The following PHACTR2 variants were observed in gnomAD, a reference collection of about 807,000 sequenced individuals.
The protein encoded by PHACTR2 is chromosome 6 open reading frame 56.
A neutral mutation model predicts 76.0 loss-of-function variants in PHACTR2; 30 were observed. That is an observed-to-expected ratio of 0.39 (90% CI 0.30 to 0.54). PHACTR2 has a LOEUF of 0.54. Among genes scored for constraint, PHACTR2 ranks in the 20% least tolerant of loss-of-function variants. The pLI is 0.61. For synonymous variants in PHACTR2, 292 were observed against 292.5 expected, an observed-to-expected ratio of 1.00 and a Z score of 0.02; for missense variants, 696 against 781.1, an observed-to-expected ratio of 0.89 and a Z score of 1.30.
intron 1 of PHACTR2, among the ~76,000 whole-genome samples, chr6:143,551,146 C>T (rs1775089029): frequency 6.6e-6 from 1 of 151,910 alleles, no homozygotes; most frequent in Admixed American, 6.6e-5. Context: ...CATGAAAAGA[C>T]AAGAGTAGAA....
At chr6:143,725,943 A>G (rs752828215) in intron 2 of PHACTR2, among the ~76,000 whole-genome samples, 1 of 152,340 alleles carries the variant, frequency 6.6e-6, no homozygotes, top group South Asian at 2.1e-4. Flanking sequence ...GCATGTATTC[A>G]TCATTCCATT....
At chr6:143,685,504 G>A (rs923807553) in intron 1 of PHACTR2, among the ~76,000 whole-genome samples, 1 of 151,994 alleles carries the variant, frequency 6.6e-6, no homozygotes, top group African/African-American at 2.4e-5. Flanking sequence ...ACTACTCTAA[G>A]TGCTTTACTT....
rs963551150 is a variant in PHACTR2 at position 143,678,531 on chromosome 6, A to T, written c.46+322A>T. Reference sequence around the variant, plus strand: ...GTATTACAGTGTTTTTAAAAACGCGAAACTTAGAGAGCAAGAGAAACATGC... The same window carrying T: ...GTATTACAGTGTTTTTAAAAACGCGTAACTTAGAGAGCAAGAGAAACATGC... On this transcript the variant is annotated intron_variant, in intron 1 of 12. Transcript: ENST00000440869. The surrounding 1 kb of genome is among the most constrained non-coding windows in gnomAD (Gnocchi z 6.2). 1.3e-5 allele frequency among the ~76,000 whole-genome samples: 2 copies of T among 152,220 alleles called. No homozygotes were observed. The highest frequency in any genetic ancestry group is 4.8e-5 in the African/African-American group (2 of 41,456).
chr6:143,795,216 C>T lies in PHACTR2; in HGVS notation c.1845+6306C>T, dbSNP rs898744711. ...GTCACTTGAGGCCAGGAGTTAAAGA[C>T]CAGCCTGAGCAACATAGCAAGACCC... is the stretch of plus-strand genomic sequence containing the variant. On this transcript the variant is annotated intron_variant, in intron 11 of 12. Coordinates refer to ENST00000440869, the MANE Select transcript of PHACTR2 (RefSeq NM_001100164.2). The surrounding 1 kb of genome is among the most constrained non-coding windows in gnomAD (Gnocchi z 4.8). Among the ~76,000 whole-genome samples, 1 of 152,094 alleles carries T rather than the reference C, an allele frequency of 6.6e-6. No individual in the cohort carries two copies. Among genetic ancestry groups the T allele is most frequent in the African/African-American group, 2.4e-5 (1 of 41,406 alleles).
intron 1 of PHACTR2, among the ~76,000 whole-genome samples, chr6:143,707,938 A>G (rs865802078): frequency 6.6e-6 from 1 of 152,136 alleles, no homozygotes; most frequent in Non-Finnish European, 1.5e-5. Flanking sequence ...GGTGCTACAC[A>G]CTTTTAAACA....
In PHACTR2 at chr6:143,686,218, G is replaced by T. The variant is rs1443501776; in HGVS notation, c.46+8009G>T. Reference sequence around the variant, plus strand: ...TATATTGTAAAAGAAATAATTAATTGCTCATAAAAACAATTTTTACAAAAG... The same window carrying T: ...TATATTGTAAAAGAAATAATTAATTTCTCATAAAAACAATTTTTACAAAAG... On this transcript the variant is annotated intron_variant, in intron 1 of 12. Transcript: ENST00000440869. Among the ~76,000 whole-genome samples the T allele has an allele frequency of 4.0e-5, 6 of 150,888 alleles. No individual in the cohort carries two copies. In the East Asian group the frequency reaches 1.2e-3, roughly 29 times the overall value.
chr6:143,613,706 C>T (rs578215275), intron 1 of PHACTR2, among the ~76,000 whole-genome samples: 4 of 152,184 alleles, frequency 2.6e-5, no homozygotes, highest in African/African-American at 9.6e-5. Context: ...TGGCTTCTGT[C>T]GAGAACAACT....
At chr6:143,748,716 A>G (rs923191592) in intron 2 of PHACTR2, among the ~76,000 whole-genome samples, 3 of 152,322 alleles carry the variant, frequency 2.0e-5, no homozygotes, top group South Asian at 2.1e-4. Flanking sequence ...TCTAGTTGCT[A>G]TGTAATAATA....
At chr6:143,572,052 C>G (rs1413989008) in intron 1 of PHACTR2, among the ~76,000 whole-genome samples, 3 of 152,230 alleles carry the variant, frequency 2.0e-5, no homozygotes, top group African/African-American at 7.2e-5. Context: ...AGCCACACAA[C>G]TAGGATTTTC....
In PHACTR2 at chr6:143,663,925, A is replaced by G. The variant is rs1776988117; in HGVS notation, c.14-48091A>G. On this transcript the variant is annotated intron_variant, in intron 1 of 11. Coordinates refer to the PHACTR2 transcript ENST00000305766. This position sits in a 1 kb window ranked among gnomAD's most constrained non-coding sequence, Gnocchi z 4.1. ...TTTGTGTATTACATCAAGCTTGTCA[A>G]TGGGATTGTTTAAATTCATGACCTT... Among the ~76,000 whole-genome samples, 1 of 152,128 alleles carries G rather than the reference A, an allele frequency of 6.6e-6. No homozygotes were observed. Among genetic ancestry groups the G allele is most frequent in the Admixed American group, 6.5e-5 (1 of 15,272 alleles).
intron 1 of PHACTR2, among the ~76,000 whole-genome samples, chr6:143,573,557 C>A (rs12212011): frequency 0.61 from 93,192 of 151,826 alleles, 28,921 homozygotes; most frequent in Middle Eastern, 0.72. Context: ...TTTGTGAACC[C>A]ATGAATTTTC....
chr6:143,766,286 T>C (rs550942446), intron 6 of PHACTR2, among the ~76,000 whole-genome samples: 23 of 152,330 alleles, frequency 1.5e-4, no homozygotes, highest in Admixed American at 4.6e-4. Context: ...TTAAATGTTA[T>C]GTCCTCTGTG....
chr6:143,816,308 G>A lies in PHACTR2; in HGVS notation c.1923-7366G>A, dbSNP rs981429749. 2.0e-5 allele frequency among the ~76,000 whole-genome samples: 3 copies of A among 151,946 alleles called. No individual in the cohort carries two copies. The highest frequency in any genetic ancestry group is 7.3e-5 in the African/African-American group (3 of 41,350). On this transcript the variant is annotated intron_variant, in intron 12 of 12. Coordinates refer to ENST00000440869, the MANE Select transcript of PHACTR2 (RefSeq NM_001100164.2). The surrounding 1 kb of genome is among the most constrained non-coding windows in gnomAD (Gnocchi z 4.5). ...AACTACCGAGAAATAGCAAAATACC[G>A]AGAAATAACAAACTGAAGAGTATTT...
At chr6:143,540,797 G>A (rs1297147207) in intron 1 of PHACTR2, among the ~76,000 whole-genome samples, 2 of 152,068 alleles carry the variant, frequency 1.3e-5, no homozygotes, top group African/African-American at 4.8e-5. Flanking sequence ...TTTAAAGATA[G>A]AATTGAAGTA....
In PHACTR2 at chr6:143,775,861, A is replaced by T. The variant is rs1035892590; in HGVS notation, c.1590-1467A>T. On this transcript the variant is annotated intron_variant, in intron 8 of 12. Coordinates refer to ENST00000440869, the MANE Select transcript of PHACTR2 (RefSeq NM_001100164.2). This position sits in a 1 kb window ranked among gnomAD's most constrained non-coding sequence, Gnocchi z 4.4. ...GTAAGTTTTTGTTAAAATCCTAAAC[A>T]AACGAGGAGTTGTAATCCCAGCACT... Among the ~76,000 whole-genome samples the T allele has an allele frequency of 2.0e-5, 3 of 152,242 alleles. No individual in the cohort carries two copies. Among genetic ancestry groups the T allele is most frequent in the Non-Finnish European group, 2.9e-5 (2 of 68,036 alleles).
In PHACTR2 at chr6:143,658,019, A is replaced by C. The variant is rs1456152610; in HGVS notation, c.13+49697A>C. On this transcript the variant is annotated intron_variant, in intron 1 of 11. Transcript: ENST00000305766. The surrounding 1 kb of genome is among the most constrained non-coding windows in gnomAD (Gnocchi z 4.1). ...GTAGTATTCCATTAATGGACATACCACAATTTATTTACCCACTCTTCTGTT... is the reference window on the plus strand; with the variant it reads ...GTAGTATTCCATTAATGGACATACCCCAATTTATTTACCCACTCTTCTGTT... Among the ~76,000 whole-genome samples the C allele has an allele frequency of 6.6e-6, 1 of 152,186 alleles. No individual in the cohort carries two copies. The highest frequency in any genetic ancestry group is 6.5e-5 in the Admixed American group (1 of 15,278).
chr6:143,748,214 C>T (rs761736721), intron 2 of PHACTR2, among the ~76,000 whole-genome samples: 1 of 152,152 alleles, frequency 6.6e-6, no homozygotes, highest in Non-Finnish European at 1.5e-5. Flanking sequence ...TACAGGTGCC[C>T]ACCACCATGA....
Position 143,665,879 on chromosome 6 carries a change from T to G in PHACTR2, c.14-46137T>G, listed in dbSNP as rs557536409. ...AAAGCTAAAGTATTTTTTATTATTTTTATTTTATTATACTTTAAGTTCTGG... is the reference window on the plus strand; with the variant it reads ...AAAGCTAAAGTATTTTTTATTATTTGTATTTTATTATACTTTAAGTTCTGG... On this transcript the variant is annotated intron_variant, in intron 1 of 11. Coordinates refer to the PHACTR2 transcript ENST00000305766. 2.3e-4 allele frequency among the ~76,000 whole-genome samples: 35 copies of G among 152,218 alleles called. 1 individual carries two copies. The highest frequency in any genetic ancestry group is 6.2e-4 in the South Asian group (3 of 4,832).
At chr6:143,752,464 CTTTAAT>C (rs1295721711) in intron 3 of PHACTR2, among the ~76,000 whole-genome samples, 6 of 151,792 alleles carry the variant, frequency 4.0e-5, no homozygotes, top group Admixed American at 3.9e-4. Context: ...AAAATTCTTA[CTTTAAT>C]TTTATTAAAA....
Sources: gnomAD v4.1 joint callset for allele counts (sites outside exome capture counted in the v4.1 genomes callset) on GRCh38, gnomAD v4.1.1 for gene constraint, Gnocchi (gnomAD v3.1) non-coding constraint, MANE v1.5 for transcripts, NCBI Gene and HGNC (gene_info 2026-07-23, HGNC 2026-07-21) for gene names.